Variants in TBC1D9 observed in about 807,000 individuals in gnomAD.
TBC1D9 encodes TBC1 domain family member 9A.
A neutral mutation model predicts 132.0 loss-of-function variants in TBC1D9; 63 were observed. The observed-to-expected ratio is 0.48, with a 90% CI of 0.39 to 0.59. The LOEUF (loss-of-function observed/expected upper bound fraction) is 0.59, where lower values mean the gene tolerates loss of function less well. Ranked by LOEUF, TBC1D9 falls within the 20% of genes least tolerant of loss-of-function variation. The probability of loss-of-function intolerance (pLI) is 0.00; values close to 1 mark genes in which losing one functional copy is unlikely to be tolerated. For synonymous variants in TBC1D9, 610 were observed against 609.9 expected (o/e 1.00, Z 0.00); for missense variants, 1,261 against 1,592.7 (o/e 0.79, Z 3.54).
At chr4:140,656,143 T>G (rs775219313) in intron 13 of TBC1D9, among the ~76,000 whole-genome samples, 4 of 152,144 alleles carry the variant, frequency 2.6e-5, no homozygotes, top group Non-Finnish European at 5.9e-5. Context: ...TGGCCAGTAG[T>G]TCTCACTGTA....
intron 1 of TBC1D9, among the ~76,000 whole-genome samples, chr4:140,739,519 G>A (rs1738726466): frequency 6.6e-6 from 1 of 152,122 alleles, no homozygotes; most frequent in Admixed American, 6.5e-5. Context: ...ATATAAAGGG[G>A]AATAATATCT....
intron 13 of TBC1D9, among the ~76,000 whole-genome samples, chr4:140,655,683 G>T (rs1737256653): frequency 6.6e-6 from 1 of 152,164 alleles, no homozygotes; most frequent in African/African-American, 2.4e-5. Flanking sequence ...ACCCCAAAAA[G>T]CGTATTAGTT....
chr4:140,643,995 C>A, intron 13 of TBC1D9: 1 of 535,132 alleles, frequency 1.9e-6, no homozygotes, highest in East Asian at 4.1e-5. Context: ...CGGGTCCTCC[C>A]GCAGCGGCTC....
rs768668004 is a variant in TBC1D9 at position 140,624,400 on chromosome 4, T to C, written c.2900-12A>G. On this transcript the variant is annotated splice_polypyrimidine_tract_variant and intron_variant, in intron 18 of 20. Coordinates refer to ENST00000442267, the MANE Select transcript of TBC1D9 (RefSeq NM_015130.3). ...ATCCAATCCAACAACTACCAAGAAA[T>C]GGTTCAGAAGAAAAAAGTAGAATGT... 3 of 1,607,614 alleles carry C rather than the reference T, an allele frequency of 1.9e-6. No homozygotes were observed. Among genetic ancestry groups the C allele is most frequent in the South Asian group, 1.1e-5 (1 of 90,326 alleles).
intron 1 of TBC1D9, among the ~76,000 whole-genome samples, chr4:140,709,388 A>T (rs1038215222): frequency 1.3e-5 from 2 of 152,066 alleles, no homozygotes; most frequent in Non-Finnish European, 2.9e-5. Context: ...GTGGCTAAGA[A>T]TCAGTTTTGC....
intron 13 of TBC1D9, among the ~76,000 whole-genome samples, chr4:140,650,617 C>A (rs560887835): frequency 2.6e-5 from 4 of 152,314 alleles, no homozygotes; most frequent in African/African-American, 9.6e-5. Flanking sequence ...ACTGCAATCT[C>A]CGCCTCCCAG....
At position 140,641,196 on chromosome 4, in the gene TBC1D9, T is replaced by C. The variant is rs576434287; in HGVS notation, c.2338-1768A>G. Among the ~76,000 whole-genome samples, 7 of 151,466 alleles carry C rather than the reference T, an allele frequency of 4.6e-5. No homozygotes were observed. The South Asian group carries it at 1.3e-3, about 27-fold the overall frequency. On this transcript the variant is annotated intron_variant, in intron 13 of 20. Transcript: ENST00000442267. ...CAAAGATCATCTACGCTTTTAGAAG[T>C]CTGGAGATTTATTAACCATGGTTGG...
At chr4:140,657,449 G>T in intron 12 of TBC1D9, 78 bp downstream of exon 12, 2 of 1,482,900 alleles carry the variant, frequency 1.3e-6, no homozygotes, top group Non-Finnish European at 1.8e-6. Context: ...CATCAAATCA[G>T]TTAAGACTCA....
chr4:140,692,023 A>G (rs966252377), intron 2 of TBC1D9, among the ~76,000 whole-genome samples: 10 of 152,194 alleles, frequency 6.6e-5, no homozygotes, highest in Non-Finnish European at 1.2e-4. Flanking sequence ...ATGATTCATA[A>G]TAAATTTTTT....
intron 16 of TBC1D9, among the ~76,000 whole-genome samples, chr4:140,628,660 C>A (rs4956466): frequency 6.6e-6 from 1 of 151,892 alleles, no homozygotes; most frequent in Non-Finnish European, 1.5e-5. Context: ...CAGGACTCCA[C>A]GAAATGTCAG....
chr4:140,724,080 T>C (rs566273493), intron 1 of TBC1D9, among the ~76,000 whole-genome samples: 1 of 152,282 alleles, frequency 6.6e-6, no homozygotes, highest in Non-Finnish European at 1.5e-5. Context: ...ACTATTGAGG[T>C]GGCATTGCTT....
Position 140,674,687 on chromosome 4 carries a change from A to G in TBC1D9, c.1059+2207T>C, listed in dbSNP as rs189916462. Among the ~76,000 whole-genome samples, 939 of 146,812 alleles carry G rather than the reference A, an allele frequency of 6.4e-3. 6 individuals carry two copies. Among genetic ancestry groups the G allele is most frequent in the Admixed American group, 0.01 (150 of 14,820 alleles). On this transcript the variant is annotated intron_variant, in intron 6 of 20. Coordinates refer to ENST00000442267, the MANE Select transcript of TBC1D9 (RefSeq NM_015130.3). Reference sequence around the variant, plus strand: ...TTACATTGTAGAAGAATATATATATATATATTTTTTTTTAATTTTTTATTT... The same window carrying G: ...TTACATTGTAGAAGAATATATATATGTATATTTTTTTTTAATTTTTTATTT...
intron 1 of TBC1D9, among the ~76,000 whole-genome samples, chr4:140,726,533 G>A (rs1738504306): frequency 1.3e-5 from 2 of 151,798 alleles, no homozygotes; most frequent in African/African-American, 4.8e-5. Flanking sequence ...GTCTTGAAAT[G>A]GTGTTACTTA....
In TBC1D9 at chr4:140,622,484, C is replaced by T. The variant is rs370733648; in HGVS notation, c.3512G>A (p.Gly1171Asp). The T allele has an allele frequency of 1.9e-6, 3 of 1,613,926 alleles. No homozygotes were observed. In the African/African-American group the frequency reaches 4.0e-5, roughly 22 times the overall value. The change falls in exon 21 of 21, where the codon GGC (glycine) becomes GAC (aspartate). Residue 1171 changes from glycine to aspartate, a missense_variant. Gly to Asp is a moderately conservative substitution (Grantham distance 94). This residue lies in a region of TBC1D9 where 618 missense variants were observed against 724.4 expected (regional missense o/e 0.85). Coordinates refer to ENST00000442267, the MANE Select transcript of TBC1D9 (RefSeq NM_015130.3). Reference sequence around the variant, plus strand: ...GTGCAGCTTGTCCTCCTCGTGGGAGCCGGCACTCAGCACCGAGTATGAGGA... The same window carrying T: ...GTGCAGCTTGTCCTCCTCGTGGGAGTCGGCACTCAGCACCGAGTATGAGGA... ...SMSSYSVLSA[G>D]SHEEDKLHCE...
chr4:140,660,886 G>C lies in TBC1D9; in HGVS notation c.1803+1007C>G, dbSNP rs559524329. 4.3e-4 allele frequency among the ~76,000 whole-genome samples: 66 copies of C among 151,966 alleles called. 1 individual carries two copies. Among genetic ancestry groups the C allele is most frequent in the African/African-American group, 1.5e-3 (63 of 41,474 alleles). On this transcript the variant is annotated intron_variant, in intron 10 of 20. Coordinates refer to ENST00000442267, the MANE Select transcript of TBC1D9 (RefSeq NM_015130.3). Reference sequence around the variant, plus strand: ...AGCTTTTGCTGGATGGTCAGGGAAGGCCTCTACAATGATATAGCCTTTGAT... The same window carrying C: ...AGCTTTTGCTGGATGGTCAGGGAAGCCCTCTACAATGATATAGCCTTTGAT...
intron 13 of TBC1D9, chr4:140,644,951 A>G (rs75077862): frequency 0.015 from 6,731 of 454,460 alleles, 226 homozygotes; most frequent in African/African-American, 0.064. Flanking sequence ...GCAGAGATGG[A>G]GGTCCCAAGC....
At position 140,702,406 on chromosome 4, in the gene TBC1D9, G is replaced by A. The variant is rs549805392; in HGVS notation, c.131-792C>T. Reference sequence around the variant, plus strand: ...GAACAGGCTGTACCTTCTCTTTCTAGGAGGAAAATTGACAAGGAAAAGGAA... The same window carrying A: ...GAACAGGCTGTACCTTCTCTTTCTAAGAGGAAAATTGACAAGGAAAAGGAA... On this transcript the variant is annotated intron_variant, in intron 1 of 20. Transcript: ENST00000442267. Among the ~76,000 whole-genome samples the A allele has an allele frequency of 3.9e-5, 6 of 152,332 alleles. No individual in the cohort carries two copies. In the East Asian group the frequency reaches 9.6e-4, roughly 24 times the overall value.
chr4:140,730,820 G>A (rs1038356635), intron 1 of TBC1D9, among the ~76,000 whole-genome samples: 4 of 152,174 alleles, frequency 2.6e-5, no homozygotes, highest in Non-Finnish European at 5.9e-5. Context: ...ATGGAGCTGA[G>A]GCCCACAGGG....
At position 140,668,832 on chromosome 4, in the gene TBC1D9, C is replaced by G. The variant is rs550797092; in HGVS notation, c.1588+85G>C. ...GGGGGATGCATATTTGAAAGAACCC[C>G]TGAGGCATGACTGAAGGCACAGGGA... is the stretch of plus-strand genomic sequence containing the variant. On this transcript the variant is annotated intron_variant, in intron 9 of 20. Transcript: ENST00000442267. 7 of 1,458,322 alleles carry G rather than the reference C, an allele frequency of 4.8e-6. No homozygotes were observed. The African/African-American group carries it at 9.8e-5, about 20-fold the overall frequency. The allele number at this position is 1,458,322 out of a possible 1,614,324, so 90.3% of individuals were successfully genotyped here.
Sources: gnomAD v4.1 joint callset for allele counts (sites outside exome capture counted in the v4.1 genomes callset) on GRCh38, gnomAD v4.1.1 for gene constraint, gnomAD v4.1.1 regional missense constraint, MANE v1.5 for transcripts, NCBI Gene and HGNC (gene_info 2026-07-23, HGNC 2026-07-21) for gene names.